SGPL1: variants seen among roughly 807,000 people sequenced by gnomAD.
SGPL1 encodes SP-lyase 1.
SGPL1 carries 37 observed loss-of-function variants against 68.9 expected under a neutral mutation model. The ratio of observed to expected loss-of-function variants is 0.54; its 90% CI spans 0.41 to 0.71. The LOEUF (loss-of-function observed/expected upper bound fraction) is 0.71, where lower values mean the gene tolerates loss of function less well. SGPL1 is among the 30% of genes least tolerant of loss of function. The pLI is 0.00. For missense variants in SGPL1, 551 were observed against 704.6 expected (o/e 0.78, Z 2.47); for synonymous variants, 236 against 248.5 (o/e 0.95, Z 0.47).
In SGPL1 at chr10:70,844,446, GT is replaced by G. The variant is rs533812984; in HGVS notation, c.28-22del. 6.1e-5 allele frequency: 98 copies of G among 1,602,230 alleles called. No homozygotes were observed. In the African/African-American group the frequency reaches 1.3e-3, roughly 21 times the overall value. On this transcript the variant is annotated intron_variant, in intron 2 of 14. Transcript: ENST00000373202. ...CTTCTTTTCTCTCTCTAAATGTAAT[GT>G]TTTTATTTTTCACTTGTATTTCTAG... is the stretch of plus-strand genomic sequence containing the variant.
intron 14 of SGPL1, among the ~76,000 whole-genome samples, chr10:70,876,907 T>C (rs2131953441): frequency 1.3e-5 from 2 of 152,312 alleles, no homozygotes; most frequent in South Asian, 4.1e-4. Context: ...CTGGTGGTAG[T>C]GTCCATTTGA....
chr10:70,819,894 C>T (rs1845309420), intron 2 of SGPL1, among the ~76,000 whole-genome samples: 1 of 152,120 alleles, frequency 6.6e-6, no homozygotes, highest in Admixed American at 6.5e-5. Flanking sequence ...CTGCCTTGGC[C>T]TCCCAAAGTG....
intron 8 of SGPL1, among the ~76,000 whole-genome samples, chr10:70,868,717 A>C (rs1398352202): frequency 6.7e-6 from 1 of 149,524 alleles, no homozygotes; most frequent in East Asian, 2.0e-4. Context: ...CAAAAGTGAG[A>C]GTTTGAGGAC....
At chr10:70,842,995 A>G (rs886418611) in intron 2 of SGPL1, among the ~76,000 whole-genome samples, 1 of 151,446 alleles carries the variant, frequency 6.6e-6, no homozygotes, top group Admixed American at 6.6e-5. Flanking sequence ...ACTTTGCCAC[A>G]TAGAACTTTT....
chr10:70,863,167 A>T (rs947678720), intron 7 of SGPL1, among the ~76,000 whole-genome samples: 1 of 151,556 alleles, frequency 6.6e-6, no homozygotes, highest in African/African-American at 2.4e-5. Flanking sequence ...TTGTATTTTT[A>T]GTAGAGATGG....
intron 7 of SGPL1, among the ~76,000 whole-genome samples, chr10:70,863,112 G>T (rs1846107770): frequency 6.6e-6 from 1 of 152,024 alleles, no homozygotes; most frequent in Non-Finnish European, 1.5e-5. Context: ...CAGCCCCCTT[G>T]AGTAGCTGGG....
At chr10:70,846,947 A>G (rs954311537) in intron 3 of SGPL1, among the ~76,000 whole-genome samples, 1 of 152,082 alleles carries the variant, frequency 6.6e-6, no homozygotes, top group African/African-American at 2.4e-5. Flanking sequence ...TCACTATGCC[A>G]TACATTTTGC....
At position 70,873,230 on chromosome 10, in the gene SGPL1, G is replaced by A; in HGVS notation, c.1060-121G>A. 3 of 782,524 alleles carry A rather than the reference G, an allele frequency of 3.8e-6. No individual in the cohort carries two copies. The South Asian group carries it at 4.8e-5, about 13-fold the overall frequency. The allele number at this position is 782,524 out of a possible 1,614,324, so 48.5% of individuals were successfully genotyped here. A position where few individuals can be genotyped will look rare whatever the true frequency, so the allele number is the denominator to read the frequency against. ...TAAGTTTGAATCCTTAATGTGAGTGGGAAACATAACAGAGAAACTGAGAAA... is the reference window on the plus strand; with the variant it reads ...TAAGTTTGAATCCTTAATGTGAGTGAGAAACATAACAGAGAAACTGAGAAA... On this transcript the variant is annotated intron_variant, in intron 11 of 14. Transcript: ENST00000373202.
intron 7 of SGPL1, among the ~76,000 whole-genome samples, chr10:70,868,041 A>G (rs1846225442): frequency 6.6e-6 from 1 of 152,272 alleles, no homozygotes; most frequent in Non-Finnish European, 1.5e-5. Context: ...TCTTATCTGA[A>G]AATTGAAAAA....
chr10:70,816,943 G>A, intron 2 of SGPL1, 63 bp downstream of exon 2: 1 of 1,470,044 alleles, frequency 6.8e-7, no homozygotes, highest in Non-Finnish European at 9.5e-7. Context: ...TTAGTCCAAA[G>A]GATCCCAGTG....
intron 2 of SGPL1, among the ~76,000 whole-genome samples, chr10:70,829,111 A>G (rs139380952): frequency 3.3e-5 from 5 of 152,320 alleles, no homozygotes; most frequent in East Asian, 3.9e-4. Context: ...TTTCCCAACA[A>G]TCACGACCAC....
chr10:70,845,146 A>AT (rs1003562084), intron 3 of SGPL1, among the ~76,000 whole-genome samples: 3 of 151,756 alleles, frequency 2.0e-5, no homozygotes, highest in South Asian at 2.1e-4. Context: ...CCTTACATTG[A>AT]TTTTTTTTGG....
At chr10:70,826,233 A>G (rs1426150334) in intron 2 of SGPL1, among the ~76,000 whole-genome samples, 1 of 152,168 alleles carries the variant, frequency 6.6e-6, no homozygotes, top group Non-Finnish European at 1.5e-5. Context: ...CAACAATACA[A>G]TACAATACAG....
chr10:70,830,340 T>C (rs1845512056), intron 2 of SGPL1, among the ~76,000 whole-genome samples: 1 of 152,212 alleles, frequency 6.6e-6, no homozygotes, highest in African/African-American at 2.4e-5. Context: ...TCACCGGTCC[T>C]CAGCAACTAC....
rs901635237 is a variant in SGPL1 at position 70,848,589 on chromosome 10, C to T, written c.194-2554C>T. Among the ~76,000 whole-genome samples the T allele has an allele frequency of 4.0e-5, 6 of 151,552 alleles. No individual in the cohort carries two copies. In the East Asian group the frequency reaches 7.8e-4, roughly 20 times the overall value. ...AAGCGATTCACTTGCTTCAGCCTCC[C>T]GAGTAGCTGGGATTACAGGCGCGTG... On this transcript the variant is annotated intron_variant, in intron 3 of 14. Transcript: ENST00000373202.
At chr10:70,877,112 G>T (rs550158782) in intron 14 of SGPL1, 83 bp from the exon 15 acceptor site, 19 of 1,402,008 alleles carry the variant, frequency 1.4e-5, no homozygotes, top group African/African-American at 4.2e-5. Context: ...CTAGGACTCG[G>T]GGAGAAGGGG....
intron 7 of SGPL1, among the ~76,000 whole-genome samples, chr10:70,862,535 CT>C (rs1171268658): frequency 6.6e-6 from 1 of 152,164 alleles, no homozygotes; most frequent in Non-Finnish European, 1.5e-5. Flanking sequence ...AAGCTTTGTT[CT>C]TTCGCTCTTT....
intron 7 of SGPL1, among the ~76,000 whole-genome samples, chr10:70,867,520 C>T (rs1257035543): frequency 4.6e-5 from 7 of 151,734 alleles, no homozygotes; most frequent in Non-Finnish European, 7.4e-5. Context: ...CGAGATCATG[C>T]CATGGCACTC....
chr10:70,847,292 G>C (rs1845806594), intron 3 of SGPL1, among the ~76,000 whole-genome samples: 1 of 152,028 alleles, frequency 6.6e-6, no homozygotes, highest in South Asian at 2.1e-4. Flanking sequence ...GGGATTATAG[G>C]TGCCCACTAT....
Sources: allele counts gnomAD v4.1 joint callset (sites outside exome capture counted in the v4.1 genomes callset), GRCh38; gene constraint gnomAD v4.1.1; transcripts MANE v1.5; gene names NCBI Gene and HGNC (gene_info 2026-07-23, HGNC 2026-07-21).